The following GPHN variants were observed in gnomAD, a reference collection of about 807,000 sequenced individuals.
GPHN encodes gephyrin.
In GPHN, 17 loss-of-function variants were observed where a neutral mutation model predicts 95.5. That is an observed-to-expected ratio of 0.18 (90% CI 0.12 to 0.27). The LOEUF (loss-of-function observed/expected upper bound fraction) is 0.27, where lower values mean the gene tolerates loss of function less well. Among genes scored for constraint, GPHN ranks in the 10% least tolerant of loss-of-function variants. The pLI is 1.00. For missense variants in GPHN, 660 were observed against 978.1 expected, an observed-to-expected ratio of 0.67 and a Z score of 4.34; for synonymous variants, 320 against 322.5, an observed-to-expected ratio of 0.99 and a Z score of 0.08.
the GPHN span, chr14:67,589,372 C>A: frequency 1.0e-6 from 1 of 984,654 alleles, no homozygotes; most frequent in African/African-American, 1.7e-5. Context: ...AACCAAAGTC[C>A]AATTTCTGTC....
the GPHN span, among the ~76,000 whole-genome samples, chr14:67,505,182 C>A: frequency 6.6e-6 from 1 of 152,102 alleles, no homozygotes; most frequent in Admixed American, 6.6e-5. Flanking sequence ...GGGCCCCTCT[C>A]TCAAGCTGAG....
intron 5 of GPHN, among the ~76,000 whole-genome samples, chr14:66,882,241 A>G (rs1397380753): frequency 6.6e-6 from 1 of 151,822 alleles, no homozygotes; most frequent in Non-Finnish European, 1.5e-5. Context: ...CCCCTAAAAC[A>G]AATTCTGACA....
At chr14:67,210,339 A>C in the GPHN span, among the ~76,000 whole-genome samples, 2 of 152,198 alleles carry the variant, frequency 1.3e-5, no homozygotes, top group East Asian at 3.9e-4. Context: ...TAATCCCAGC[A>C]CTTTGGGAGG....
intron 1 of GPHN, among the ~76,000 whole-genome samples, chr14:66,516,299 T>C (rs2058244711): frequency 6.6e-6 from 1 of 152,034 alleles, no homozygotes; most frequent in Non-Finnish European, 1.5e-5. Flanking sequence ...ATTACAGATG[T>C]GAGCCACCGT....
At chr14:67,153,876 T>C (rs916602154) in intron 18 of GPHN, among the ~76,000 whole-genome samples, 5 of 152,158 alleles carry the variant, frequency 3.3e-5, no homozygotes, top group Non-Finnish European at 7.4e-5. Context: ...AACAAAAATA[T>C]AAGAACAATG....
chr14:66,670,412 A>G (rs1011691409), intron 1 of GPHN, among the ~76,000 whole-genome samples: 1 of 152,200 alleles, frequency 6.6e-6, no homozygotes, highest in South Asian at 2.1e-4. Context: ...GGCATATGCT[A>G]TATTCATGCA....
At chr14:67,640,569 G>C in the GPHN span, among the ~76,000 whole-genome samples, 1 of 152,132 alleles carries the variant, frequency 6.6e-6, no homozygotes, top group Non-Finnish European at 1.5e-5. Flanking sequence ...TTCATGATGA[G>C]TCCATGCTGC....
chr14:67,372,502 C>T, the GPHN span, among the ~76,000 whole-genome samples: 1 of 152,020 alleles, frequency 6.6e-6, no homozygotes, highest in Non-Finnish European at 1.5e-5. Context: ...AAAGACAAAC[C>T]AGCATATTTT....
At chr14:66,573,677 G>A (rs768197744) in intron 1 of GPHN, among the ~76,000 whole-genome samples, 30 of 152,086 alleles carry the variant, frequency 2.0e-4, no homozygotes, top group Admixed American at 1.0e-3. Context: ...GGATGGTCTC[G>A]ATATCTTGAC....
intron 2 of GPHN, among the ~76,000 whole-genome samples, chr14:66,703,545 A>T (rs886868603): frequency 6.6e-6 from 1 of 152,196 alleles, no homozygotes; most frequent in East Asian, 1.9e-4. Flanking sequence ...AGCCAAACTA[A>T]ACTTCATAAG....
chr14:66,797,588 G>A (rs907749926), intron 3 of GPHN, among the ~76,000 whole-genome samples: 9 of 151,650 alleles, frequency 5.9e-5, no homozygotes, highest in African/African-American at 2.2e-4. Context: ...TTTTGTGTGT[G>A]GCTATTGTAA....
intron 11 of GPHN, among the ~76,000 whole-genome samples, chr14:67,062,577 G>A (rs2075866778): frequency 6.7e-6 from 1 of 150,076 alleles, no homozygotes; most frequent in South Asian, 2.1e-4. Flanking sequence ...TGTTGTGAAG[G>A]TCATAGACAC....
chr14:66,545,694 C>T (rs1373496062), intron 1 of GPHN, among the ~76,000 whole-genome samples: 28 of 137,014 alleles, frequency 2.0e-4, no homozygotes, highest in Non-Finnish European at 2.3e-4. Flanking sequence ...CGGGCAGAGG[C>T]GCCCCTCACC....
At chr14:67,092,765 C>A (rs762747562) in intron 12 of GPHN, among the ~76,000 whole-genome samples, 12 of 152,076 alleles carry the variant, frequency 7.9e-5, no homozygotes, top group Non-Finnish European at 4.4e-5. Context: ...AAACTGCATT[C>A]ACGTGGGAGT....
the GPHN span, among the ~76,000 whole-genome samples, chr14:67,668,239 G>C: frequency 6.6e-6 from 1 of 152,210 alleles, no homozygotes. Flanking sequence ...ATTAGATTAA[G>C]AAATTATAGC....
At position 66,924,199 on chromosome 14, in the gene GPHN, T is replaced by C. The variant is rs2066359785; in HGVS notation, c.735T>C (p.His245=). 6.3e-7 allele frequency: 1 copy of C among 1,579,206 alleles called. No individual in the cohort carries two copies. The highest frequency in any genetic ancestry group is 1.7e-5 in the Admixed American group (1 of 59,898). The change falls in exon 8 of 23, where the codon CAT becomes CAC. Residue 245 remains histidine (H), a synonymous_variant. Coordinates refer to ENST00000478722, the MANE Select transcript of GPHN (RefSeq NM_020806.5). ...ITAAAIAAKK[H]PFYTSPAVVM... ...TGTTATGTGTTGTGCATTAGAAGCA[T>C]CCATTCTACACCAGTCCTGCTGTTG...
chr14:66,916,203 A>G, intron 6 of GPHN, 134 bp downstream of exon 6: 1 of 699,904 alleles, frequency 1.4e-6, no homozygotes, highest in Non-Finnish European at 2.6e-6. Context: ...TCCCAAAGTC[A>G]CTCTTGGGTT....
At chr14:66,825,890 C>T (rs1218776342) in intron 4 of GPHN, among the ~76,000 whole-genome samples, 1 of 152,084 alleles carries the variant, frequency 6.6e-6, no homozygotes, top group Non-Finnish European at 1.5e-5. Flanking sequence ...TATGCTATGA[C>T]TGACTGAAAA....
chr14:67,494,451 G>C, the GPHN span, among the ~76,000 whole-genome samples: 1 of 152,230 alleles, frequency 6.6e-6, no homozygotes, highest in Non-Finnish European at 1.5e-5. Context: ...TGTGGGTTCT[G>C]TGCTCTATCA....
Sources: allele counts gnomAD v4.1 joint callset (sites outside exome capture counted in the v4.1 genomes callset), GRCh38; gene constraint gnomAD v4.1.1; transcripts MANE v1.5; gene names NCBI Gene and HGNC (gene_info 2026-07-23, HGNC 2026-07-21).